VWC2: variants seen among roughly 807,000 people sequenced by gnomAD.
The protein encoded by VWC2 is von Willebrand factor C domain containing 2.
VWC2 carries 14 observed loss-of-function variants against 29.8 expected under a neutral mutation model. The observed-to-expected ratio is 0.47, with a 90% confidence interval of 0.31 to 0.74. VWC2 has a LOEUF of 0.74. Among genes scored for constraint, VWC2 ranks in the 30% least tolerant of loss-of-function variants. The pLI, the probability that VWC2 is intolerant of heterozygous loss-of-function variation, is 0.05. For synonymous variants in VWC2, 213 were observed against 199.0 expected (o/e 1.07, Z -0.59); for missense variants, 457 against 459.8 (o/e 0.99, Z 0.05).
chr7:49,798,796 T>C (rs1282456617), intron 2 of VWC2, among the ~76,000 whole-genome samples: 2 of 152,174 alleles, frequency 1.3e-5, no homozygotes, highest in Non-Finnish European at 2.9e-5. Context: ...TTGTGTTTGT[T>C]TTATTTTGCT....
At chr7:49,845,059 T>C (rs1002722478) in intron 3 of VWC2, among the ~76,000 whole-genome samples, 1 of 152,090 alleles carries the variant, frequency 6.6e-6, no homozygotes, top group Non-Finnish European at 1.5e-5. Flanking sequence ...ATGTTCTCAC[T>C]TATAAATGGG....
intron 3 of VWC2, among the ~76,000 whole-genome samples, chr7:49,857,234 T>C (rs1790463316): frequency 6.6e-6 from 1 of 152,130 alleles, no homozygotes; most frequent in South Asian, 2.1e-4. Context: ...CAGCTCTGGT[T>C]CTACGAGTTT....
intron 2 of VWC2, among the ~76,000 whole-genome samples, chr7:49,783,139 T>C (rs757851792): frequency 2.0e-5 from 3 of 152,160 alleles, no homozygotes; most frequent in Non-Finnish European, 4.4e-5. Flanking sequence ...AGATGATATC[T>C]CTAAATCTGA....
In VWC2 at chr7:49,918,782, G is replaced by A. The variant is rs1793856083; in HGVS notation, c.*6597G>A. ...TGGTGGGTAACTTATCCAAATTTCA[G>A]TGATGGGCTGGGCGTGGTGGCTCAC... On this transcript the variant is annotated 3_prime_UTR_variant, in exon 4 of 4. Coordinates refer to ENST00000340652, the MANE Select transcript of VWC2 (RefSeq NM_198570.5). 6.6e-6 allele frequency: 1 copy of A among 152,150 alleles called. No individual in the cohort carries two copies. The highest frequency in any genetic ancestry group is 1.5e-5 in the Non-Finnish European group (1 of 68,030). The allele number at this position is 152,150 out of a possible 1,614,324, so 9.4% of individuals were successfully genotyped here.
intron 2 of VWC2, among the ~76,000 whole-genome samples, chr7:49,796,447 A>T (rs1448820545): frequency 6.6e-6 from 1 of 152,170 alleles, no homozygotes; most frequent in Non-Finnish European, 1.5e-5. Context: ...TCCAGATTAG[A>T]CATGTCATGG....
intron 3 of VWC2, among the ~76,000 whole-genome samples, chr7:49,887,702 C>G (rs1003719672): frequency 6.7e-5 from 10 of 148,946 alleles, no homozygotes; most frequent in South Asian, 2.1e-4. Context: ...CATCCCGGGG[C>G]CCAGCTCAAA....
In VWC2 at chr7:49,775,863, A is replaced by T. The variant is rs1169831487; in HGVS notation, c.428A>T (p.Glu143Val). The T allele has an allele frequency of 6.4e-7, 1 of 1,555,778 alleles. No homozygotes were observed. The highest frequency in any genetic ancestry group is 8.7e-7 in the Non-Finnish European group (1 of 1,150,578). Residue 143 changes from glutamate (E) to valine (V), a missense_variant, in exon 2 of 4, where the codon GAG becomes GTG. Coordinates refer to ENST00000340652, the MANE Select transcript of VWC2 (RefSeq NM_198570.5). Reference sequence around the variant, plus strand: ...CTCGCGCCCACGCCCGAGCCACCCGAGGAGTACGTGTACCCGGACTACCGT... The same window carrying T: ...CTCGCGCCCACGCCCGAGCCACCCGTGGAGTACGTGTACCCGGACTACCGT... ...PELAPTPEPP[E>V]EYVYPDYRGK...
intron 3 of VWC2, among the ~76,000 whole-genome samples, chr7:49,891,335 A>C (rs1489921069): frequency 6.6e-6 from 1 of 152,220 alleles, no homozygotes; most frequent in African/African-American, 2.4e-5. Flanking sequence ...CTTTAAAGTA[A>C]AGCAAAATTG....
At chr7:49,833,774 T>C (rs1789592812) in intron 3 of VWC2, among the ~76,000 whole-genome samples, 1 of 152,192 alleles carries the variant, frequency 6.6e-6, no homozygotes, top group South Asian at 2.1e-4. Context: ...CTCAGATGGC[T>C]TGAACCAGAC....
intron 3 of VWC2, among the ~76,000 whole-genome samples, chr7:49,866,118 C>T (rs1318357469): frequency 6.6e-6 from 1 of 152,122 alleles, no homozygotes; most frequent in Non-Finnish European, 1.5e-5. Flanking sequence ...GTCCTGGCTC[C>T]TTCATATCGC....
chr7:49,823,752 C>CACTG (rs1426842724), intron 3 of VWC2, among the ~76,000 whole-genome samples: 3 of 152,188 alleles, frequency 2.0e-5, no homozygotes, highest in African/African-American at 7.2e-5. Context: ...TGTGATATTA[C>CACTG]ACTGGTATTG....
At chr7:49,891,031 T>C (rs181757663) in intron 3 of VWC2, among the ~76,000 whole-genome samples, 85 of 152,330 alleles carry the variant, frequency 5.6e-4, no homozygotes, top group African/African-American at 1.9e-3. Flanking sequence ...AATATATTCA[T>C]TACTATATTG....
intron 3 of VWC2, among the ~76,000 whole-genome samples, chr7:49,857,882 G>A (rs1790487592): frequency 2.0e-5 from 3 of 152,304 alleles, no homozygotes; most frequent in Admixed American, 1.3e-4. Context: ...GAAAGTGGTG[G>A]TGAGGGCATC....
intron 3 of VWC2, among the ~76,000 whole-genome samples, chr7:49,837,931 A>G (rs1789702189): frequency 6.6e-6 from 1 of 152,204 alleles, no homozygotes. Context: ...ATCCTTACAG[A>G]AAATACAAAC....
intron 3 of VWC2, among the ~76,000 whole-genome samples, chr7:49,821,221 C>T (rs1325634445): frequency 6.6e-6 from 1 of 152,206 alleles, no homozygotes; most frequent in Non-Finnish European, 1.5e-5. Flanking sequence ...TTAATATGCA[C>T]AGTTTGCCCA....
chr7:49,779,774 A>G (rs1788134449), intron 2 of VWC2, among the ~76,000 whole-genome samples: 1 of 152,206 alleles, frequency 6.6e-6, no homozygotes. Context: ...TGGAAGTCCA[A>G]GATCAAGGTG....
At chr7:49,823,987 T>C (rs890303872) in intron 3 of VWC2, among the ~76,000 whole-genome samples, 1 of 152,174 alleles carries the variant, frequency 6.6e-6, no homozygotes, top group Admixed American at 6.6e-5. Context: ...TGTTATTGAC[T>C]TGAAAAAGTT....
chr7:49,845,890 C>A (rs980220703), intron 3 of VWC2, among the ~76,000 whole-genome samples: 1 of 152,052 alleles, frequency 6.6e-6, no homozygotes, highest in Non-Finnish European at 1.5e-5. Context: ...CACACCCACA[C>A]GTTTCTCATC....
chr7:49,908,586 C>T (rs912400804), intron 3 of VWC2, among the ~76,000 whole-genome samples: 1 of 151,558 alleles, frequency 6.6e-6, no homozygotes, highest in East Asian at 1.9e-4. Flanking sequence ...TTATGTGTTC[C>T]TATCTGTGCC....
Sources: gnomAD v4.1 joint callset for allele counts (sites outside exome capture counted in the v4.1 genomes callset) on GRCh38, gnomAD v4.1.1 for gene constraint, MANE v1.5 for transcripts, NCBI Gene and HGNC (gene_info 2026-07-23, HGNC 2026-07-21) for gene names.